SLIT3: variants seen among roughly 807,000 people sequenced by gnomAD.
SLIT3 encodes slit guidance ligand 3, also known as slit homolog 3 protein.
SLIT3 carries 68 observed loss-of-function variants against 184.0 expected under a neutral mutation model. That is an observed-to-expected ratio of 0.37 (90% confidence interval 0.30 to 0.45). The LOEUF is 0.45. Among genes scored for constraint, SLIT3 ranks in the 20% least tolerant of loss-of-function variants. SLIT3 has a pLI of 1.00. For synonymous variants in SLIT3, 831 were observed against 828.6 expected (o/e 1.00, Z -0.05); for missense variants, 1,707 against 2,026.0 (o/e 0.84, Z 3.02).
At chr5:168,935,357 C>A (rs1008473588) in intron 4 of SLIT3, among the ~76,000 whole-genome samples, 1 of 152,124 alleles carries the variant, frequency 6.6e-6, no homozygotes, top group African/African-American at 2.4e-5. Context: ...TCTGGCCACA[C>A]CCCCTCCAGG....
intron 7 of SLIT3, among the ~76,000 whole-genome samples, chr5:168,820,274 G>C (rs943889989): frequency 6.6e-6 from 1 of 152,146 alleles, no homozygotes. Flanking sequence ...CCCTTCTTCT[G>C]TTCACCTGGC....
chr5:169,165,702 A>C (rs1471439212), intron 4 of SLIT3, among the ~76,000 whole-genome samples: 1 of 151,874 alleles, frequency 6.6e-6, no homozygotes, highest in Non-Finnish European at 1.5e-5. Flanking sequence ...CCTTATCTAA[A>C]ATTCACTCCA....
At chr5:168,882,058 C>T (rs11134540) in intron 5 of SLIT3, among the ~76,000 whole-genome samples, 6,404 of 152,250 alleles carry the variant, frequency 0.042, 260 homozygotes, top group Admixed American at 0.1. Context: ...AAAAGCTTTC[C>T]GCTAAGTCCA....
At chr5:168,866,052 T>A (rs1284244931) in intron 5 of SLIT3, among the ~76,000 whole-genome samples, 1 of 152,208 alleles carries the variant, frequency 6.6e-6, no homozygotes, top group African/African-American at 2.4e-5. Flanking sequence ...ACTCTTTGCA[T>A]CTCTTTTTCA....
chr5:168,912,974 T>C (rs1761302476), intron 4 of SLIT3, among the ~76,000 whole-genome samples: 1 of 152,212 alleles, frequency 6.6e-6, no homozygotes, highest in African/African-American at 2.4e-5. Flanking sequence ...GGTTTCCTGA[T>C]AGATTTTCTT....
Position 168,761,995 on chromosome 5 carries a change from TCCTGGCCTCAAGTGATCCTCTCCC to T in SLIT3, c.1610+520_1610+543del, listed in dbSNP as rs565448162. Among the ~76,000 whole-genome samples, 165 of 147,846 alleles carry T rather than the reference TCCTGGCCTCAAGTGATCCTCTCCC, an allele frequency of 1.1e-3. 1 individual carries two copies. Among genetic ancestry groups the T allele is most frequent in the African/African-American group, 4.0e-3 (160 of 40,276 alleles). ...TATGTTGCCCAGGATAGTACTGAAC[TCCTGGCCTCAAGTGATCCTCTCCC>T]CCTGGCCTCCCAAAGTGCTGGGATT... On this transcript the variant is annotated intron_variant, in intron 15 of 35. Transcript: ENST00000519560.
intron 32 of SLIT3, among the ~76,000 whole-genome samples, chr5:168,678,232 T>C (rs905841086): frequency 2.0e-5 from 3 of 152,216 alleles, no homozygotes; most frequent in African/African-American, 7.2e-5. Flanking sequence ...CCAGTGTTTT[T>C]CAAACTGTGG....
At chr5:169,296,689 G>A (rs1054290806) in intron 1 of SLIT3, among the ~76,000 whole-genome samples, 11 of 152,146 alleles carry the variant, frequency 7.2e-5, no homozygotes, top group African/African-American at 1.9e-4. Context: ...GTTTTTATTG[G>A]GCCCAACCAC....
At chr5:169,206,346 C>CA (rs1435028820) in intron 3 of SLIT3, among the ~76,000 whole-genome samples, 2 of 152,244 alleles carry the variant, frequency 1.3e-5, no homozygotes, top group African/African-American at 4.8e-5. Flanking sequence ...AATCAGATGG[C>CA]ATGAGCACAG....
intron 29 of SLIT3, among the ~76,000 whole-genome samples, chr5:168,690,898 G>A (rs886643823): frequency 3.9e-5 from 6 of 152,184 alleles, no homozygotes; most frequent in Non-Finnish European, 7.3e-5. Context: ...GCTCATGTCT[G>A]CTTGTCACCC....
rs1435588763 is a variant in SLIT3, at chr5:168,748,365, A to G, written c.2207T>C (p.Val736Ala). The G allele has an allele frequency of 6.6e-7, 1 of 1,508,258 alleles. No homozygotes were observed. The highest frequency in any genetic ancestry group is 2.7e-5 in the Admixed American group (1 of 36,600). The allele number at this position is 1,508,258 out of a possible 1,614,324, so 93.4% of individuals were successfully genotyped here. A position where few individuals can be genotyped will look rare whatever the true frequency, so the allele number is the denominator to read the frequency against. ...PEQCTCMETV[V>A]RCSNKGLRAL... ...GCGGAGCCCCTTGTTGCTGCATCGC[A>G]CCACTGTCTCCATACAGGTGCACTG... is the stretch of plus-strand genomic sequence containing the variant. Residue 736 changes from valine to alanine, a missense_variant, in exon 20 of 36, where the codon GTG becomes GCG. By Grantham distance (64) the Val-to-Ala change is moderately conservative. Transcript: ENST00000519560.
intron 4 of SLIT3, among the ~76,000 whole-genome samples, chr5:168,958,045 T>C (rs1005237074): frequency 6.6e-6 from 1 of 152,240 alleles, no homozygotes; most frequent in African/African-American, 2.4e-5. Flanking sequence ...TTAAGAATTG[T>C]TGCCTTCATA....
At chr5:169,085,256 T>G (rs531428712) in intron 4 of SLIT3, among the ~76,000 whole-genome samples, 4 of 152,322 alleles carry the variant, frequency 2.6e-5, no homozygotes, top group African/African-American at 9.6e-5. Flanking sequence ...CTTATTACAC[T>G]GCTGAGTTAT....
chr5:168,730,966 G>A (rs1763272710), intron 20 of SLIT3, among the ~76,000 whole-genome samples: 1 of 151,570 alleles, frequency 6.6e-6, no homozygotes, highest in East Asian at 1.9e-4. Context: ...GGGACCAAAA[G>A]GATAATACAG....
chr5:169,275,010 C>T (rs148957582), intron 1 of SLIT3, among the ~76,000 whole-genome samples: 110 of 152,336 alleles, frequency 7.2e-4, no homozygotes, highest in Non-Finnish European at 9.8e-4. Flanking sequence ...GCGCTTTGTA[C>T]GGCACACAGC....
At chr5:169,282,150 G>A (rs1299865219) in intron 1 of SLIT3, among the ~76,000 whole-genome samples, 12 of 152,184 alleles carry the variant, frequency 7.9e-5, no homozygotes, top group Admixed American at 7.2e-4. Flanking sequence ...GGGAGAAGCC[G>A]GCAGGTGGGA....
chr5:169,215,135 T>C (rs1764392217), intron 3 of SLIT3, among the ~76,000 whole-genome samples: 1 of 152,178 alleles, frequency 6.6e-6, no homozygotes, highest in African/African-American at 2.4e-5. Context: ...CAGGAAATCA[T>C]CGAAATGTTT....
intron 20 of SLIT3, among the ~76,000 whole-genome samples, chr5:168,725,389 G>A (rs1441345108): frequency 1.3e-5 from 2 of 152,210 alleles, no homozygotes; most frequent in Admixed American, 6.5e-5. Context: ...GTGGGGACAT[G>A]CCACCCTTGC....
intron 10 of SLIT3, among the ~76,000 whole-genome samples, chr5:168,793,191 G>A (rs1046555162): frequency 5.3e-5 from 8 of 152,178 alleles, no homozygotes; most frequent in Middle Eastern, 6.3e-3. Context: ...GGAATAGGCA[G>A]AGACAAAGCC....
Sources: allele counts gnomAD v4.1 joint callset (sites outside exome capture counted in the v4.1 genomes callset), GRCh38; gene constraint gnomAD v4.1.1; transcripts MANE v1.5; gene names NCBI Gene and HGNC (gene_info 2026-07-23, HGNC 2026-07-21).